CCDC138: variants seen among roughly 807,000 people sequenced by gnomAD.
CCDC138 encodes the protein coiled-coil domain-containing protein 138.
In CCDC138, 66 loss-of-function variants were observed where a neutral mutation model predicts 82.3. That is an observed-to-expected ratio of 0.80 (90% CI 0.66 to 0.98). The LOEUF (loss-of-function observed/expected upper bound fraction) is 0.98. Among genes scored for constraint, CCDC138 ranks in the 50% least tolerant of loss-of-function variants. The pLI is 0.00. For missense variants in CCDC138, 816 were observed against 758.9 expected (o/e 1.08, Z -0.88); for synonymous variants, 297 against 265.4 (o/e 1.12, Z -1.16).
At chr2:108,819,292 C>T (rs184057781) in intron 10 of CCDC138, among the ~76,000 whole-genome samples, 168 of 152,274 alleles carry the variant, frequency 1.1e-3, no homozygotes, top group African/African-American at 4.0e-3. Flanking sequence ...GCCGGTATAG[C>T]GCAGTGCAAC....
intron 10 of CCDC138, among the ~76,000 whole-genome samples, chr2:108,827,344 T>G (rs1450267956): frequency 6.6e-6 from 1 of 152,054 alleles, no homozygotes; most frequent in Non-Finnish European, 1.5e-5. Flanking sequence ...CAATACCAAA[T>G]TTACAAAGCT....
rs945010523 is a variant in CCDC138, at chr2:108,868,225, C to T, written c.1694-5226C>T. On this transcript the variant is annotated intron_variant, in intron 13 of 14. Transcript: ENST00000295124. The stretch of plus-strand genomic sequence containing the variant: ...GTTACGTTTATTTTCTTAAGTTACT[C>T]GCGATAGATTTTTGTCAGATATCAT... Among the ~76,000 whole-genome samples, 31 of 152,212 alleles carry T rather than the reference C, an allele frequency of 2.0e-4. No homozygotes were observed. In the East Asian group the frequency reaches 4.8e-3, roughly 24 times the overall value.
At chr2:108,801,021 C>G (rs1257800669) in intron 6 of CCDC138, among the ~76,000 whole-genome samples, 2 of 53,722 alleles carry the variant, frequency 3.7e-5, no homozygotes, top group Non-Finnish European at 8.4e-5. Flanking sequence ...TTAATCCAGT[C>G]TATCATTGTT....
intron 12 of CCDC138, 103 bp from the exon 13 acceptor site, chr2:108,856,691 C>G: frequency 9.3e-7 from 1 of 1,079,302 alleles, no homozygotes; most frequent in Non-Finnish European, 1.3e-6. Context: ...TTTTGTTTGT[C>G]TTTTGAGTTT....
chr2:108,840,581 A>G (rs1464622878), intron 11 of CCDC138, among the ~76,000 whole-genome samples: 1 of 152,208 alleles, frequency 6.6e-6, no homozygotes, highest in East Asian at 1.9e-4. Flanking sequence ...GGACTGAACC[A>G]TTCAAATGTA....
chr2:108,810,107 G>A (rs535539579), intron 7 of CCDC138, among the ~76,000 whole-genome samples: 1 of 152,226 alleles, frequency 6.6e-6, no homozygotes, highest in East Asian at 1.9e-4. Flanking sequence ...CACCCAGCCT[G>A]TTATTTCCAA....
rs201132350 is a variant in CCDC138, at chr2:108,861,472, C to CTTTTTTTTTTTTTTTTT, written c.1693+4512_1693+4528dup. Among the ~76,000 whole-genome samples the CTTTTTTTTTTTTTTTTT allele has an allele frequency of 6.5e-5, 8 of 123,518 alleles. 2 individuals are homozygous for CTTTTTTTTTTTTTTTTT. The highest frequency in any genetic ancestry group is 1.9e-4 in the African/African-American group (5 of 25,882). The allele number at this position is 123,518 out of a possible 152,430, so 81.0% of individuals were successfully genotyped here. ...ACATTTAGCACTATAAACTTTCTTC[C>CTTTTTTTTTTTTTTTTT]TTTTTTTTTTTTTTTTTTTTTTTTT... On this transcript the variant is annotated intron_variant, in intron 13 of 14. Coordinates refer to ENST00000295124, the MANE Select transcript of CCDC138 (RefSeq NM_144978.3).
intron 14 of CCDC138, 59 bp from the exon 15 acceptor site, chr2:108,876,029 C>T: frequency 2.8e-6 from 3 of 1,066,406 alleles, no homozygotes; most frequent in Middle Eastern, 2.9e-4. Context: ...CTGTCAGTGT[C>T]ATTGCAGATA....
At chr2:108,826,018 T>A (rs1686525660) in intron 10 of CCDC138, among the ~76,000 whole-genome samples, 2 of 152,232 alleles carry the variant, frequency 1.3e-5, no homozygotes. Flanking sequence ...ATGTTGAACA[T>A]CATTTCATGT....
At chr2:108,867,686 C>T (rs746993800) in intron 13 of CCDC138, among the ~76,000 whole-genome samples, 1 of 152,042 alleles carries the variant, frequency 6.6e-6, no homozygotes, top group Non-Finnish European at 1.5e-5. Flanking sequence ...CAAAGACTAC[C>T]TAAGTCTATT....
chr2:108,865,846 C>T (rs1694327917), intron 13 of CCDC138, among the ~76,000 whole-genome samples: 1 of 152,060 alleles, frequency 6.6e-6, no homozygotes, highest in Non-Finnish European at 1.5e-5. Flanking sequence ...TGATCAACAC[C>T]CCAAATTGCC....
intron 1 of CCDC138, 129 bp from the exon 2 acceptor site, chr2:108,787,903 G>T: frequency 2.6e-6 from 2 of 778,444 alleles, no homozygotes; most frequent in Non-Finnish European, 3.9e-6. Flanking sequence ...TTGATCACTT[G>T]GTTAAGATGG....
At chr2:108,854,172 C>A (rs1692242102) in intron 12 of CCDC138, among the ~76,000 whole-genome samples, 2 of 145,372 alleles carry the variant, frequency 1.4e-5, no homozygotes. Context: ...TCCTGTCCTA[C>A]TTGGCACTTG....
At chr2:108,848,521 TAAAG>T (rs1690878612) in intron 12 of CCDC138, among the ~76,000 whole-genome samples, 1 of 152,210 alleles carries the variant, frequency 6.6e-6, no homozygotes, top group South Asian at 2.1e-4. Context: ...ATGTCAGAAA[TAAAG>T]AACTTTTATT....
intron 7 of CCDC138, among the ~76,000 whole-genome samples, chr2:108,808,721 G>C (rs1490279393): frequency 6.6e-6 from 1 of 152,026 alleles, no homozygotes; most frequent in Non-Finnish European, 1.5e-5. Flanking sequence ...TTTTTTTGCT[G>C]TTGAGTTCCT....
Position 108,882,426 on chromosome 2 carries a change from A to T in CCDC138, c.44-245A>T, listed in dbSNP as rs560252212. On this transcript the variant is annotated intron_variant, in intron 1 of 2. Transcript: ENST00000608781. ...ACGCAGAGCTCACACCCTTCTGATGAACAGACAGAAGTGTCAGATCCTTTT... is the reference window on the plus strand; with the variant it reads ...ACGCAGAGCTCACACCCTTCTGATGTACAGACAGAAGTGTCAGATCCTTTT... 1.2e-4 allele frequency: 18 copies of T among 152,312 alleles called. 1 individual carries two copies. Among genetic ancestry groups the T allele is most frequent in the African/African-American group, 4.1e-4 (17 of 41,582 alleles). The allele number at this position is 152,312 out of a possible 1,614,324, so 9.4% of individuals were successfully genotyped here. A position where few individuals can be genotyped will look rare whatever the true frequency, so the allele number is the denominator to read the frequency against.
intron 6 of CCDC138, 21 bp from the exon 7 acceptor site, chr2:108,804,868 G>GTTTT: frequency 7.4e-7 from 1 of 1,359,604 alleles, no homozygotes. Flanking sequence ...TTAGATGAGA[G>GTTTT]TTTTTTTTTT....
intron 11 of CCDC138, among the ~76,000 whole-genome samples, chr2:108,845,682 C>T (rs919836250): frequency 4.6e-5 from 7 of 151,394 alleles, no homozygotes; most frequent in African/African-American, 1.7e-4. Context: ...CACCATTCTC[C>T]TGTCTCAGCC....
At chr2:108,822,061 G>A (rs1174753897) in intron 10 of CCDC138, among the ~76,000 whole-genome samples, 1 of 151,986 alleles carries the variant, frequency 6.6e-6, no homozygotes, top group Non-Finnish European at 1.5e-5. Context: ...CTGTCTACAA[G>A]GGACTCATTT....
Sources: allele counts gnomAD v4.1 joint callset (sites outside exome capture counted in the v4.1 genomes callset), GRCh38; gene constraint gnomAD v4.1.1; transcripts MANE v1.5; gene names NCBI Gene and HGNC (gene_info 2026-07-23, HGNC 2026-07-21).